The following LINGO2 variants were observed in gnomAD, a reference collection of about 807,000 sequenced individuals.
LINGO2 encodes leucine-rich repeat and immunoglobulin-like domain-containing nogo receptor-interacting protein 2.
A neutral mutation model predicts 30.6 loss-of-function variants in LINGO2; 14 were observed. That is an observed-to-expected ratio of 0.46 (90% CI 0.30 to 0.72). The LOEUF is 0.72. Among genes scored for constraint, LINGO2 ranks in the 30% least tolerant of loss-of-function variants. The probability of loss-of-function intolerance (pLI) is 0.07; values close to 1 mark genes in which losing one functional copy is unlikely to be tolerated. For missense variants in LINGO2, 729 were observed against 751.7 expected, an observed-to-expected ratio of 0.97 and a Z score of 0.35; for synonymous variants, 317 against 288.5, an observed-to-expected ratio of 1.10 and a Z score of -1.00.
At chr9:28,699,597 A>C in the LINGO2 span, among the ~76,000 whole-genome samples, 1 of 152,026 alleles carries the variant, frequency 6.6e-6, no homozygotes, top group African/African-American at 2.4e-5. Context: ...AGACAACCAT[A>C]AGGTCTGACT....
intron 5 of LINGO2, among the ~76,000 whole-genome samples, chr9:27,971,221 C>G (rs1365079284): frequency 2.6e-5 from 4 of 151,342 alleles, no homozygotes; most frequent in Non-Finnish European, 1.5e-5. Context: ...ACTTCTTTTT[C>G]TTGTCCTTAC....
At chr9:29,046,500 C>A in the LINGO2 span, among the ~76,000 whole-genome samples, 8 of 152,170 alleles carry the variant, frequency 5.3e-5, no homozygotes, top group East Asian at 1.6e-3. Context: ...TGGGGAAAGA[C>A]TCCCTAATCA....
intron 1 of LINGO2, among the ~76,000 whole-genome samples, chr9:28,514,159 C>T (rs189029904): frequency 1.3e-5 from 2 of 152,298 alleles, no homozygotes; most frequent in Non-Finnish European, 1.5e-5. Context: ...TTGGCTGCTC[C>T]ACTGAAAAGC....
chr9:28,332,429 A>G (rs1825454184), intron 3 of LINGO2, among the ~76,000 whole-genome samples: 1 of 152,176 alleles, frequency 6.6e-6, no homozygotes, highest in Non-Finnish European at 1.5e-5. Context: ...ACAGTAATGT[A>G]CCAATTCTCT....
chr9:28,042,717 CTTCA>C lies in LINGO2; in HGVS notation c.-86-30316_-86-30313del, dbSNP rs1428093549. Among the ~76,000 whole-genome samples the C allele has an allele frequency of 5.3e-5, 8 of 152,076 alleles. No individual in the cohort carries two copies. The South Asian group carries it at 1.4e-3, about 28-fold the overall frequency. ...CACTATAATCAAGATAATGTACTTG[CTTCA>C]TTCATGTTCTGCAATCAATATCATC... On this transcript the variant is annotated intron_variant, in intron 4 of 5. Transcript: ENST00000379992.
chr9:28,586,832 T>C (rs1399286451), intron 1 of LINGO2, among the ~76,000 whole-genome samples: 1 of 152,026 alleles, frequency 6.6e-6, no homozygotes, highest in East Asian at 1.9e-4. Flanking sequence ...CCCTTGCTCC[T>C]ACTCAGAGGA....
intron 4 of LINGO2, among the ~76,000 whole-genome samples, chr9:28,246,331 G>A (rs1436495898): frequency 6.6e-6 from 1 of 152,094 alleles, no homozygotes; most frequent in Admixed American, 6.5e-5. Flanking sequence ...GGCTGAGGAA[G>A]GAGAATCGCT....
intron 2 of LINGO2, among the ~76,000 whole-genome samples, chr9:28,436,226 T>C (rs1318649106): frequency 6.6e-6 from 1 of 152,082 alleles, no homozygotes; most frequent in East Asian, 1.9e-4. Flanking sequence ...ACTCTTTATA[T>C]AATAAAAATA....
the LINGO2 span, among the ~76,000 whole-genome samples, chr9:29,020,607 T>A: frequency 6.6e-5 from 10 of 152,090 alleles, no homozygotes; most frequent in Non-Finnish European, 2.9e-5. Context: ...GGAAGCAGCA[T>A]TTACCATTAG....
At chr9:29,204,304 C>T in the LINGO2 span, among the ~76,000 whole-genome samples, 1 of 152,212 alleles carries the variant, frequency 6.6e-6, no homozygotes, top group Non-Finnish European at 1.5e-5. Flanking sequence ...ATCTTTCAAA[C>T]TCATGGATAA....
At chr9:28,374,203 T>TA (rs1491462256) in intron 2 of LINGO2, among the ~76,000 whole-genome samples, 4 of 75,916 alleles carry the variant, frequency 5.3e-5, no homozygotes, top group African/African-American at 3.5e-4. Flanking sequence ...TAAAAATATG[T>TA]TTTTATTTAT....
intron 5 of LINGO2, among the ~76,000 whole-genome samples, chr9:27,973,607 T>C (rs1008734333): frequency 2.6e-4 from 40 of 152,194 alleles, no homozygotes; most frequent in Non-Finnish European, 4.9e-4. Context: ...GTATGTTTCC[T>C]AGGAAAGAGA....
the LINGO2 span, among the ~76,000 whole-genome samples, chr9:28,754,650 A>G: frequency 6.8e-6 from 1 of 147,070 alleles, no homozygotes; most frequent in East Asian, 2.0e-4. Flanking sequence ...TTTTTTTTTG[A>G]GATGGAGTCT....
chr9:28,739,713 A>G, the LINGO2 span, among the ~76,000 whole-genome samples: 2 of 151,718 alleles, frequency 1.3e-5, no homozygotes, highest in Non-Finnish European at 3.0e-5. Context: ...ACCCATAAAT[A>G]TAAGAGTTTT....
chr9:28,235,198 G>A (rs1360724480), intron 4 of LINGO2, among the ~76,000 whole-genome samples: 1 of 152,136 alleles, frequency 6.6e-6, no homozygotes, highest in Admixed American at 6.5e-5. Context: ...TCTACATTTG[G>A]GAGAAAGTAA....
At chr9:28,932,172 C>CG in the LINGO2 span, among the ~76,000 whole-genome samples, 1 of 146,454 alleles carries the variant, frequency 6.8e-6, no homozygotes, top group Non-Finnish European at 1.5e-5. Flanking sequence ...TGGCGGGGGC[C>CG]GGGGGGGATC....
chr9:28,559,770 C>A (rs928996925), intron 1 of LINGO2, among the ~76,000 whole-genome samples: 3 of 151,920 alleles, frequency 2.0e-5, no homozygotes, highest in South Asian at 2.1e-4. Context: ...TTTATGTTTG[C>A]CAGTATTTAA....
intron 4 of LINGO2, among the ~76,000 whole-genome samples, chr9:28,090,820 G>A (rs569179837): frequency 2.0e-5 from 3 of 152,268 alleles, no homozygotes; most frequent in South Asian, 4.1e-4. Flanking sequence ...AAACCCCATC[G>A]TCTTAGCTCA....
chr9:28,050,010 T>C (rs1824598465), intron 4 of LINGO2, among the ~76,000 whole-genome samples: 1 of 150,536 alleles, frequency 6.6e-6, no homozygotes, highest in African/African-American at 2.5e-5. Flanking sequence ...CTGGAGACAG[T>C]GAAGGCTGAA....
Sources: gnomAD v4.1 joint callset for allele counts (sites outside exome capture counted in the v4.1 genomes callset) on GRCh38, gnomAD v4.1.1 for gene constraint, MANE v1.5 for transcripts, NCBI Gene and HGNC (gene_info 2026-07-23, HGNC 2026-07-21) for gene names.